Variants in NFIX observed in about 807,000 individuals in gnomAD.
The protein encoded by NFIX is nuclear factor I X.
NFIX carries 2 observed loss-of-function variants against 53.3 expected under a neutral mutation model. The observed-to-expected ratio is 0.04, with a 90% CI of 0.02 to 0.12. The LOEUF (loss-of-function observed/expected upper bound fraction) is 0.12. NFIX is among the 10% of genes least tolerant of loss of function. NFIX has a pLI of 1.00. For synonymous variants in NFIX, 244 were observed against 289.0 expected (o/e 0.84, Z 1.58); for missense variants, 310 against 674.5 (o/e 0.46, Z 5.99).
At chr19:13,034,322 C>T (rs1236859024) in intron 2 of NFIX, among the ~76,000 whole-genome samples, 2 of 152,230 alleles carry the variant, frequency 1.3e-5, no homozygotes, top group East Asian at 1.9e-4. Flanking sequence ...ACTGGCCTCC[C>T]TCCCTCCTGA....
At position 13,028,095 on chromosome 19, in the gene NFIX, T is replaced by A. The variant is rs1030343357; in HGVS notation, c.559+2543T>A. ...GACCAGGCATGGCTTGCTTCCTCCT[T>A]GAGCTGGCAAGAAATAAAAACATTT... On this transcript the variant is annotated intron_variant, in intron 2 of 10. Transcript: ENST00000592199. The surrounding 1 kb of genome is among the most constrained non-coding windows in gnomAD (Gnocchi z 4.2). 2.0e-5 allele frequency among the ~76,000 whole-genome samples: 3 copies of A among 152,192 alleles called. No homozygotes were observed. Among genetic ancestry groups the A allele is most frequent in the African/African-American group, 2.4e-5 (1 of 41,444 alleles).
intron 5 of NFIX, among the ~76,000 whole-genome samples, chr19:13,075,211 G>A (rs1422110719): frequency 1.3e-5 from 2 of 152,014 alleles, no homozygotes; most frequent in East Asian, 3.9e-4. Context: ...CTAGCCCTGG[G>A]GGCTGCCAGG....
In NFIX at chr19:13,072,856, C is replaced by T. The variant is rs185129529; in HGVS notation, c.560-191C>T. On this transcript the variant is annotated intron_variant, in intron 2 of 10. Coordinates refer to ENST00000592199, the MANE Select transcript of NFIX (RefSeq NM_001365902.3). The surrounding 1 kb of genome is among the most constrained non-coding windows in gnomAD (Gnocchi z 4.0). ...TGAGGCTGAGAAACCTGCACTGGGC[C>T]TGTCTTTCCTTCTCTGCTTTGGGTC... Among the ~76,000 whole-genome samples, 6 of 152,306 alleles carry T rather than the reference C, an allele frequency of 3.9e-5. No individual in the cohort carries two copies. Among genetic ancestry groups the T allele is most frequent in the African/African-American group, 1.4e-4 (6 of 41,562 alleles).
chr19:13,083,001 C>T (rs1189180219), intron 8 of NFIX, among the ~76,000 whole-genome samples: 2 of 152,206 alleles, frequency 1.3e-5, no homozygotes, highest in African/African-American at 4.8e-5. Flanking sequence ...TCACTCTGTC[C>T]CTAAGGGAAG....
intron 5 of NFIX, among the ~76,000 whole-genome samples, chr19:13,074,569 A>G (rs560969524): frequency 4.3e-4 from 64 of 149,710 alleles, no homozygotes; most frequent in Non-Finnish European, 8.1e-4. Context: ...ACTGATAGCC[A>G]GTTAGGAGGC....
Position 13,098,695 on chromosome 19 carries a change from C to T in NFIX, c.*4046C>T, listed in dbSNP as rs1021427195. On this transcript the variant is annotated 3_prime_UTR_variant, in exon 11 of 11. Coordinates refer to ENST00000592199, the MANE Select transcript of NFIX (RefSeq NM_001365902.3). ...CCGCCCCGCCCCGCCCCGCCCCCGT[C>T]ACTGCGCTTCTGTTATACCATCTTT... The T allele has an allele frequency of 2.6e-5, 4 of 153,094 alleles. No homozygotes were observed. Among genetic ancestry groups the T allele is most frequent in the African/African-American group, 9.7e-5 (4 of 41,384 alleles). The allele number at this position is 153,094 out of a possible 1,614,324, so 9.5% of individuals were successfully genotyped here.
In NFIX at chr19:13,001,056, C is replaced by A. The variant is rs995247753; in HGVS notation, c.27+5192C>A. On this transcript the variant is annotated intron_variant, in intron 1 of 10. Transcript: ENST00000592199. The surrounding 1 kb of genome is among the most constrained non-coding windows in gnomAD (Gnocchi z 6.5). ...GGGAGGCTGGGCACTTTCTCCAACA[C>A]GGTGCTGAGAATGGGCCTTCTGTCC... Among the ~76,000 whole-genome samples, 5 of 152,148 alleles carry A rather than the reference C, an allele frequency of 3.3e-5. No homozygotes were observed. Among genetic ancestry groups the A allele is most frequent in the African/African-American group, 1.2e-4 (5 of 41,416 alleles).
At position 13,014,372 on chromosome 19, in the gene NFIX, AAAAGAAAG is replaced by A. The variant is rs957216376; in HGVS notation, c.28-10644_28-10637del. 6.6e-6 allele frequency: 1 copy of A among 152,216 alleles called. No individual in the cohort carries two copies. The highest frequency in any genetic ancestry group is 2.4e-5 in the African/African-American group (1 of 41,450). 9.4% of individuals were successfully genotyped at this position (152,216 alleles called of 1,614,324 possible). ...CCTGGTTTGCGCTAGAGCCGTTTAA[AAAAGAAAG>A]AAAGGAAGAAAGGAGCCGGGCTCTG... On this transcript the variant is annotated intron_variant, in intron 1 of 10. Coordinates refer to ENST00000592199, the MANE Select transcript of NFIX (RefSeq NM_001365902.3). This position sits in a 1 kb window ranked among gnomAD's most constrained non-coding sequence, Gnocchi z 4.4.
At chr19:13,076,444 T>C (rs1257093126) in intron 6 of NFIX, among the ~76,000 whole-genome samples, 1 of 152,160 alleles carries the variant, frequency 6.6e-6, no homozygotes, top group Non-Finnish European at 1.5e-5. Context: ...GAAGACAGCA[T>C]GTAACACGTG....
At chr19:13,065,842 CAGA>C (rs766124498) in intron 2 of NFIX, among the ~76,000 whole-genome samples, 8 of 152,190 alleles carry the variant, frequency 5.3e-5, no homozygotes, top group Non-Finnish European at 1.0e-4. Flanking sequence ...TAGCTCACAC[CAGA>C]AGAACTCCCT....
Position 13,013,018 on chromosome 19 carries a change from C to G in NFIX, c.28-12003C>G, listed in dbSNP as rs980815211. ...CTAAGTGGCAGAAAATGCGCTTTCC[C>G]TTTCTCTCTCTTCTGCCTTCGGGCC... On this transcript the variant is annotated intron_variant, in intron 1 of 10. Coordinates refer to ENST00000592199, the MANE Select transcript of NFIX (RefSeq NM_001365902.3). The surrounding 1 kb of genome is among the most constrained non-coding windows in gnomAD (Gnocchi z 5.9). Among the ~76,000 whole-genome samples, 29 of 151,864 alleles carry G rather than the reference C, an allele frequency of 1.9e-4. No individual in the cohort carries two copies. Among genetic ancestry groups the G allele is most frequent in the African/African-American group, 7.0e-4 (29 of 41,352 alleles).
At chr19:13,057,001 C>CT (rs1429230887) in intron 2 of NFIX, among the ~76,000 whole-genome samples, 1 of 152,196 alleles carries the variant, frequency 6.6e-6, no homozygotes, top group Non-Finnish European at 1.5e-5. Flanking sequence ...CTCAGAGACT[C>CT]TAACTTTCTG....
Position 13,081,908 on chromosome 19 carries a change from C to T in NFIX, c.1254+53C>T. On this transcript the variant is annotated intron_variant, in intron 8 of 10. Transcript: ENST00000592199. This position sits in a 1 kb window ranked among gnomAD's most constrained non-coding sequence, Gnocchi z 4.7. ...GCTACAGCCTCATCTCCACATCTAT[C>T]TGTCTGTCTCAGGGCTCACAGGGAG... The T allele has an allele frequency of 1.3e-6, 2 of 1,595,434 alleles. No homozygotes were observed. The highest frequency in any genetic ancestry group is 1.7e-6 in the Non-Finnish European group (2 of 1,168,276).
Position 13,025,649 on chromosome 19 carries a change from A to T in NFIX, c.559+97A>T. 7.0e-7 allele frequency: 1 copy of T among 1,422,862 alleles called. No individual in the cohort carries two copies. The highest frequency in any genetic ancestry group is 9.5e-7 in the Non-Finnish European group (1 of 1,051,232). 88.1% of individuals were successfully genotyped at this position (1,422,862 alleles called of 1,614,324 possible). On this transcript the variant is annotated intron_variant, in intron 2 of 10. Transcript: ENST00000592199. This position sits in a 1 kb window ranked among gnomAD's most constrained non-coding sequence, Gnocchi z 7.5. ...TCTAATTTCCAAGCGATAACTCGCCATGGGCCTAACTGGTGTATGCCCGTC... is the reference window on the plus strand; with the variant it reads ...TCTAATTTCCAAGCGATAACTCGCCTTGGGCCTAACTGGTGTATGCCCGTC...
Position 12,995,686 on chromosome 19 carries a change from CGCCGGGCCGAGCGCGGGGCCGCGG to C in NFIX, c.-144_-121del, listed in dbSNP as rs1348380119. The C allele has an allele frequency of 2.0e-5, 3 of 150,770 alleles. No individual in the cohort carries two copies. Among genetic ancestry groups the C allele is most frequent in the Non-Finnish European group, 4.2e-5 (3 of 71,770 alleles). The allele number at this position is 150,770 out of a possible 1,614,324, so 9.3% of individuals were successfully genotyped here. A position where few individuals can be genotyped will look rare whatever the true frequency, so the allele number is the denominator to read the frequency against. ...CTTGCGAGCGGCGAGCGCGGAGCGG[CGCCGGGCCGAGCGCGGGGCCGCGG>C]GCCGGGCGGGCGCAGCGCGGCGGAG... On this transcript the variant is annotated 5_prime_UTR_variant, in exon 1 of 11. Coordinates refer to ENST00000592199, the MANE Select transcript of NFIX (RefSeq NM_001365902.3).
At chr19:13,034,318 C>T (rs903184345) in intron 2 of NFIX, among the ~76,000 whole-genome samples, 1 of 152,226 alleles carries the variant, frequency 6.6e-6, no homozygotes, top group Non-Finnish European at 1.5e-5. Context: ...TGACACTGGC[C>T]TCCCTCCCTC....
At chr19:13,065,914 C>T (rs117533700) in intron 2 of NFIX, among the ~76,000 whole-genome samples, 4,185 of 152,204 alleles carry the variant, frequency 0.027, 69 homozygotes, top group Middle Eastern at 0.082. Flanking sequence ...TATTGTTTTC[C>T]TGGAGGAAAA....
chr19:13,084,600 A>G (rs1375404446), intron 8 of NFIX, among the ~76,000 whole-genome samples: 1 of 152,214 alleles, frequency 6.6e-6, no homozygotes, highest in Non-Finnish European at 1.5e-5. Flanking sequence ...GGCAGTTAAG[A>G]GGATGCCTGG....
rs1568343680 is a variant in NFIX at position 13,097,008 on chromosome 19, C to T, written c.*2359C>T. The T allele has an allele frequency of 6.7e-6, 1 of 149,140 alleles. No individual in the cohort carries two copies. Among genetic ancestry groups the T allele is most frequent in the African/African-American group, 2.5e-5 (1 of 40,658 alleles). 9.2% of individuals were successfully genotyped at this position (149,140 alleles called of 1,614,324 possible). A position where few individuals can be genotyped will look rare whatever the true frequency, so the allele number is the denominator to read the frequency against. ...AATTAACTTTTTTTTTTCATTGAACCAAGTGCAATGCATCAGAGAGTTTTC... is the reference window on the plus strand; with the variant it reads ...AATTAACTTTTTTTTTTCATTGAACTAAGTGCAATGCATCAGAGAGTTTTC... On this transcript the variant is annotated 3_prime_UTR_variant, in exon 11 of 11. Transcript: ENST00000592199.
Sources: allele counts gnomAD v4.1 joint callset (sites outside exome capture counted in the v4.1 genomes callset), GRCh38; gene constraint gnomAD v4.1.1; non-coding constraint Gnocchi (gnomAD v3.1); transcripts MANE v1.5; gene names NCBI Gene and HGNC (gene_info 2026-07-23, HGNC 2026-07-21).